TXNRD3: variants seen among roughly 807,000 people sequenced by gnomAD.
TXNRD3 encodes thioredoxin reductase 3.
TXNRD3 carries 68 observed loss-of-function variants against 78.2 expected under a neutral mutation model. The observed-to-expected ratio is 0.87, with a 90% confidence interval of 0.72 to 1.06. The LOEUF is 1.06. Ranked by LOEUF, TXNRD3 falls within the 50% of genes least tolerant of loss-of-function variation. The probability of loss-of-function intolerance (pLI) is 0.00; values close to 1 mark genes in which losing one functional copy is unlikely to be tolerated. For missense variants in TXNRD3, 751 were observed against 809.5 expected, an observed-to-expected ratio of 0.93 and a Z score of 0.88; for synonymous variants, 296 against 300.1, an observed-to-expected ratio of 0.99 and a Z score of 0.14.
intron 10 of TXNRD3, among the ~76,000 whole-genome samples, chr3:126,626,515 G>GAAT (rs1157315726): frequency 1.3e-5 from 2 of 152,126 alleles, no homozygotes; most frequent in Admixed American, 6.5e-5. Flanking sequence ...AAATATACAT[G>GAAT]AATGGCCAAT....
At chr3:126,649,456 T>C (rs1438961606) in intron 1 of TXNRD3, among the ~76,000 whole-genome samples, 1 of 152,148 alleles carries the variant, frequency 6.6e-6, no homozygotes, top group Non-Finnish European at 1.5e-5. Context: ...AAATTACAAA[T>C]AGAAATATCA....
intron 6 of TXNRD3, among the ~76,000 whole-genome samples, chr3:126,638,800 T>C (rs912257998): frequency 7.2e-5 from 11 of 152,262 alleles, no homozygotes; most frequent in African/African-American, 2.6e-4. Context: ...ATTATAAGAT[T>C]TTACCCATTC....
intron 13 of TXNRD3, 33 bp downstream of exon 13, chr3:126,615,322 A>AT (rs748369863): frequency 4.4e-6 from 5 of 1,129,864 alleles, no homozygotes; most frequent in Non-Finnish European, 6.1e-6. Context: ...TTAAAAGAGA[A>AT]TTTTTTAAGG....
At position 126,625,531 on chromosome 3, in the gene TXNRD3, C is replaced by T. The variant is rs572830430; in HGVS notation, c.1291-2991G>A. Among the ~76,000 whole-genome samples the T allele has an allele frequency of 5.7e-3, 866 of 152,028 alleles. 7 individuals are homozygous for T. Among genetic ancestry groups the T allele is most frequent in the African/African-American group, 0.02 (825 of 41,438 alleles). On this transcript the variant is annotated intron_variant, in intron 10 of 15. Coordinates refer to ENST00000524230, the MANE Select transcript of TXNRD3 (RefSeq NM_052883.3). Reference sequence around the variant, plus strand: ...AGTATTCCATGGTGTATATGTGCCACATTTTCTTAATCCAGTCTATCATTG... The same window carrying T: ...AGTATTCCATGGTGTATATGTGCCATATTTTCTTAATCCAGTCTATCATTG...
chr3:126,635,918 T>C (rs923274034), intron 6 of TXNRD3, among the ~76,000 whole-genome samples: 1 of 151,996 alleles, frequency 6.6e-6, no homozygotes. Context: ...CACACACACA[T>C]ATATACAAAC....
At chr3:126,628,855 G>A (rs376454331) in intron 10 of TXNRD3, among the ~76,000 whole-genome samples, 3 of 151,896 alleles carry the variant, frequency 2.0e-5, no homozygotes, top group South Asian at 4.2e-4. Context: ...CTTTCTCTAC[G>A]CTGCATTTTT....
chr3:126,654,697 C>T (rs1197604833), intron 1 of TXNRD3, 51 bp downstream of exon 1: 2 of 1,201,518 alleles, frequency 1.7e-6, no homozygotes, highest in Non-Finnish European at 2.1e-6. Context: ...GGGTGGCGTC[C>T]GCGTGGCGGG....
At position 126,624,623 on chromosome 3, in the gene TXNRD3, G is replaced by A. The variant is rs557300811; in HGVS notation, c.1291-2083C>T. Among the ~76,000 whole-genome samples, 6 of 152,146 alleles carry A rather than the reference G, an allele frequency of 3.9e-5. No homozygotes were observed. In the South Asian group the frequency reaches 6.2e-4, roughly 16 times the overall value. ...TTTTCAGTAGAGACGGGGTTTCACCGTGTTAGCCAGGATGGTCTCGATCTC... is the reference window on the plus strand; with the variant it reads ...TTTTCAGTAGAGACGGGGTTTCACCATGTTAGCCAGGATGGTCTCGATCTC... On this transcript the variant is annotated intron_variant, in intron 10 of 15. Transcript: ENST00000524230.
At chr3:126,626,563 G>C (rs770611185) in intron 10 of TXNRD3, among the ~76,000 whole-genome samples, 7 of 152,080 alleles carry the variant, frequency 4.6e-5, no homozygotes, top group Non-Finnish European at 8.8e-5. Flanking sequence ...TAGTCATCAG[G>C]GAGATGCAAA....
intron 10 of TXNRD3, among the ~76,000 whole-genome samples, chr3:126,623,207 T>C (rs1938497389): frequency 6.6e-6 from 1 of 152,208 alleles, no homozygotes; most frequent in Non-Finnish European, 1.5e-5. Flanking sequence ...ATTCTCAACT[T>C]GTAAATTTCT....
At chr3:126,636,598 G>T (rs1047882368) in intron 6 of TXNRD3, among the ~76,000 whole-genome samples, 1 of 152,128 alleles carries the variant, frequency 6.6e-6, no homozygotes, top group Admixed American at 6.5e-5. Context: ...GTGCTATCCT[G>T]GGCTGACCCC....
intron 13 of TXNRD3, 65 bp from the exon 14 acceptor site, chr3:126,611,197 C>G: frequency 9.7e-7 from 1 of 1,034,402 alleles, no homozygotes. Flanking sequence ...TTGATAGGCT[C>G]TTTAATTCTA....
intron 6 of TXNRD3, among the ~76,000 whole-genome samples, chr3:126,637,957 TTTTTTTG>T: frequency 7.6e-6 from 1 of 131,620 alleles, no homozygotes; most frequent in African/African-American, 2.8e-5. Context: ...TTTTTTTTTT[TTTTTTTG>T]AGATGGAGTC....
chr3:126,611,809 A>T (rs1938203798), intron 13 of TXNRD3, among the ~76,000 whole-genome samples: 1 of 152,244 alleles, frequency 6.6e-6, no homozygotes, highest in Non-Finnish European at 1.5e-5. Context: ...TTGGAAATGT[A>T]GTATGAACAA....
intron 15 of TXNRD3, 131 bp downstream of exon 15, chr3:126,608,367 AT>A (rs1938108941): frequency 4.6e-6 from 5 of 1,092,478 alleles, no homozygotes; most frequent in Admixed American, 6.8e-5. Flanking sequence ...TCTGAAAAAA[AT>A]AAAATGAAAT....
At chr3:126,630,958 AAAG>A in intron 8 of TXNRD3, 21 bp from the exon 9 acceptor site, 2 of 1,528,150 alleles carry the variant, frequency 1.3e-6, no homozygotes, top group Non-Finnish European at 8.8e-7. Context: ...AAAATTAAAA[AAAG>A]AATACCTAGG....
intron 10 of TXNRD3, among the ~76,000 whole-genome samples, chr3:126,625,664 A>T (rs1938564524): frequency 6.6e-6 from 1 of 152,164 alleles, no homozygotes; most frequent in Non-Finnish European, 1.5e-5. Flanking sequence ...CTTTGGGTAT[A>T]TACCCAGTAA....
intron 10 of TXNRD3, among the ~76,000 whole-genome samples, chr3:126,627,598 C>T (rs985825425): frequency 1.3e-5 from 2 of 151,950 alleles, no homozygotes; most frequent in African/African-American, 4.8e-5. Flanking sequence ...CAACTTCATA[C>T]CAATACATTT....
intron 1 of TXNRD3, among the ~76,000 whole-genome samples, chr3:126,654,164 C>G (rs1048575999): frequency 1.3e-5 from 2 of 152,080 alleles, no homozygotes; most frequent in Non-Finnish European, 2.9e-5. Flanking sequence ...AGAAACTATA[C>G]ACATCAATGT....
Sources: allele counts gnomAD v4.1 joint callset (sites outside exome capture counted in the v4.1 genomes callset), GRCh38; gene constraint gnomAD v4.1.1; transcripts MANE v1.5; gene names NCBI Gene and HGNC (gene_info 2026-07-23, HGNC 2026-07-21).